NTRK2: variants seen among roughly 807,000 people sequenced by gnomAD.
NTRK2 encodes neurotrophic receptor tyrosine kinase 2.
Under a neutral mutation model 94.5 loss-of-function variants are expected in NTRK2, and 13 were observed. The ratio of observed to expected loss-of-function variants is 0.14; its 90% CI spans 0.09 to 0.22. The LOEUF (loss-of-function observed/expected upper bound fraction) is 0.22. Ranked by LOEUF, NTRK2 falls within the 10% of genes least tolerant of loss-of-function variation. The pLI, the probability that NTRK2 is intolerant of heterozygous loss-of-function variation, is 1.00. For missense variants in NTRK2, 639 were observed against 1,071.2 expected, an observed-to-expected ratio of 0.60 and a Z score of 5.63; for synonymous variants, 372 against 407.4, an observed-to-expected ratio of 0.91 and a Z score of 1.05.
intron 14 of NTRK2, among the ~76,000 whole-genome samples, chr9:84,916,326 A>G (rs1292653396): frequency 2.6e-5 from 4 of 152,164 alleles, no homozygotes; most frequent in African/African-American, 9.7e-5. Flanking sequence ...GAAGAGAGCT[A>G]AAATATAGTT....
chr9:84,997,733 T>G (rs12346090), intron 17 of NTRK2, among the ~76,000 whole-genome samples: 3,024 of 152,242 alleles, frequency 0.02, 93 homozygotes, highest in African/African-American at 0.063. Context: ...GGAAGTGGGC[T>G]AAGCTGCAGC....
intron 15 of NTRK2, among the ~76,000 whole-genome samples, chr9:84,945,286 CA>C (rs2078561159): frequency 1.3e-5 from 2 of 152,276 alleles, no homozygotes; most frequent in East Asian, 3.9e-4. Context: ...CTTCGTGTAT[CA>C]GGGGTTCTTT....
chr9:84,714,884 C>T (rs944180740), intron 6 of NTRK2, among the ~76,000 whole-genome samples: 4 of 152,066 alleles, frequency 2.6e-5, no homozygotes, highest in African/African-American at 4.8e-5. Context: ...TTGTGTGTGT[C>T]ATCTTTGTAA....
intron 17 of NTRK2, among the ~76,000 whole-genome samples, chr9:85,002,273 A>C (rs1321118011): frequency 6.6e-6 from 1 of 152,178 alleles, no homozygotes; most frequent in African/African-American, 2.4e-5. Context: ...CCCCAAGAGG[A>C]TGACTATCAG....
At chr9:84,766,313 G>A (rs2066020115) in intron 12 of NTRK2, among the ~76,000 whole-genome samples, 1 of 152,150 alleles carries the variant, frequency 6.6e-6, no homozygotes, top group Admixed American at 6.5e-5. Flanking sequence ...GGGGCCTGGG[G>A]AGGAGAGCAG....
At chr9:84,736,447 A>G (rs74373696) in intron 9 of NTRK2, among the ~76,000 whole-genome samples, 2,760 of 152,306 alleles carry the variant, frequency 0.018, 81 homozygotes, top group African/African-American at 0.063. Flanking sequence ...TGGTGGATTT[A>G]GATTTGGTGT....
chr9:84,861,435 T>G (rs1212694303), intron 13 of NTRK2, among the ~76,000 whole-genome samples: 3 of 152,222 alleles, frequency 2.0e-5, no homozygotes, highest in Admixed American at 2.0e-4. Context: ...GACTGAATAG[T>G]CAAGCTGGAC....
chr9:84,735,715 TC>T (rs1455188533), intron 9 of NTRK2, among the ~76,000 whole-genome samples: 1 of 152,194 alleles, frequency 6.6e-6, no homozygotes. Context: ...TGAGGAATCT[TC>T]AAAAGTTCTC....
At chr9:84,821,815 TAGAGAGAG>T (rs55923826) in intron 12 of NTRK2, among the ~76,000 whole-genome samples, 76,490 of 147,330 alleles carry the variant, frequency 0.52, 21,173 homozygotes, top group East Asian at 0.67. Flanking sequence ...GGGAGAGAAG[TAGAGAGAG>T]AGAGAGAGAG....
In NTRK2 at chr9:85,025,217, T is replaced by C. The variant is rs1388620283; in HGVS notation, c.*3780T>C. 1 of 233,046 alleles carries C rather than the reference T, an allele frequency of 4.3e-6. No individual in the cohort carries two copies. Among genetic ancestry groups the C allele is most frequent in the Non-Finnish European group, 8.5e-6 (1 of 117,976 alleles). The allele number at this position is 233,046 out of a possible 1,614,324, so 14.4% of individuals were successfully genotyped here. A position where few individuals can be genotyped will look rare whatever the true frequency, so the allele number is the denominator to read the frequency against. On this transcript the variant is annotated 3_prime_UTR_variant, in exon 19 of 19. Transcript: ENST00000277120. ...ACTGAATAAAAGCCATCCCACTACA[T>C]TGAGTGCTTTCTCTGGCTCCTTGCA...
chr9:84,802,601 G>C (rs1020699016), intron 12 of NTRK2, among the ~76,000 whole-genome samples: 26 of 152,208 alleles, frequency 1.7e-4, no homozygotes, highest in African/African-American at 6.3e-4. Flanking sequence ...GACAGCAGAG[G>C]CTTCTAGAAC....
At chr9:84,988,535 A>G (rs1271805152) in intron 17 of NTRK2, among the ~76,000 whole-genome samples, 1 of 152,174 alleles carries the variant, frequency 6.6e-6, no homozygotes, top group Non-Finnish European at 1.5e-5. Context: ...ATCATGTTTG[A>G]GAACCACTGC....
chr9:84,757,577 C>T (rs1307782342), intron 12 of NTRK2, among the ~76,000 whole-genome samples: 1 of 152,190 alleles, frequency 6.6e-6, no homozygotes, highest in African/African-American at 2.4e-5. Context: ...GCAAATATCT[C>T]ATCCTCTCTT....
intron 12 of NTRK2, among the ~76,000 whole-genome samples, chr9:84,797,746 AT>A (rs2069688143): frequency 4.3e-5 from 1 of 23,356 alleles, no homozygotes; most frequent in Non-Finnish European, 8.4e-5. Flanking sequence ...ATACTATAAT[AT>A]ATATTATATA....
chr9:84,826,563 T>G (rs1033790234), intron 12 of NTRK2, among the ~76,000 whole-genome samples: 2 of 152,164 alleles, frequency 1.3e-5, no homozygotes, highest in African/African-American at 4.8e-5. Context: ...ACTGAGAGGT[T>G]GATAGCACAA....
intron 12 of NTRK2, among the ~76,000 whole-genome samples, chr9:84,801,765 A>C (rs1453876457): frequency 1.3e-5 from 2 of 152,152 alleles, no homozygotes; most frequent in East Asian, 3.8e-4. Flanking sequence ...TCATCAATTA[A>C]AGAGCTTCTG....
chr9:84,859,353 T>TCA (rs2075222244), intron 12 of NTRK2, among the ~76,000 whole-genome samples: 2 of 152,328 alleles, frequency 1.3e-5, no homozygotes, highest in East Asian at 3.9e-4. Context: ...TCTCAAATAC[T>TCA]GTTGGTGAAA....
intron 12 of NTRK2, among the ~76,000 whole-genome samples, chr9:84,766,972 C>T (rs981497902): frequency 7.9e-5 from 12 of 152,124 alleles, no homozygotes; most frequent in African/African-American, 1.9e-4. Flanking sequence ...TCTGCGGTTC[C>T]CCTGGGTCAT....
chr9:84,782,733 C>A (rs1360956612), intron 12 of NTRK2, among the ~76,000 whole-genome samples: 1 of 152,110 alleles, frequency 6.6e-6, no homozygotes, highest in Non-Finnish European at 1.5e-5. Flanking sequence ...GTTTCTTTAC[C>A]TCAGCATTTG....
Sources: gnomAD v4.1 joint callset for allele counts (sites outside exome capture counted in the v4.1 genomes callset) on GRCh38, gnomAD v4.1.1 for gene constraint, MANE v1.5 for transcripts, NCBI Gene and HGNC (gene_info 2026-07-23, HGNC 2026-07-21) for gene names.